Variants in UGGT2 observed in about 807,000 individuals in gnomAD.
The protein encoded by UGGT2 is UDP-glucose:glycoprotein glucosyltransferase 2.
A neutral mutation model predicts 192.1 loss-of-function variants in UGGT2; 180 were observed. The ratio of observed to expected loss-of-function variants is 0.94; its 90% confidence interval spans 0.83 to 1.06. UGGT2 has a LOEUF of 1.06. UGGT2 is among the 50% of genes least tolerant of loss of function. UGGT2 has a pLI of 0.00. For missense variants in UGGT2, 1,849 were observed against 1,795.7 expected, an observed-to-expected ratio of 1.03 and a Z score of -0.54; for synonymous variants, 580 against 591.0, an observed-to-expected ratio of 0.98 and a Z score of 0.27.
At chr13:95,999,621 T>A (rs1028601625) in intron 5 of UGGT2, among the ~76,000 whole-genome samples, 21 of 152,172 alleles carry the variant, frequency 1.4e-4, no homozygotes, top group Non-Finnish European at 1.5e-5. Context: ...AAACAGAGGA[T>A]CCAATAACAG....
chr13:95,976,087 C>T (rs2050928949), intron 10 of UGGT2, among the ~76,000 whole-genome samples: 1 of 152,032 alleles, frequency 6.6e-6, no homozygotes, highest in South Asian at 2.1e-4. Flanking sequence ...TTAACCAACC[C>T]CTCCTCATTT....
intron 36 of UGGT2, among the ~76,000 whole-genome samples, chr13:95,850,049 A>G (rs1363008955): frequency 6.6e-6 from 1 of 151,710 alleles, no homozygotes; most frequent in Admixed American, 6.6e-5. Flanking sequence ...TGCATTAGCC[A>G]AGACCTTACT....
chr13:95,999,338 GAA>G (rs1594542177), intron 5 of UGGT2, 31 bp from the exon 6 acceptor site: 2 of 1,590,810 alleles, frequency 1.3e-6, no homozygotes, highest in East Asian at 2.2e-5. Context: ...TATAAAAAGC[GAA>G]AAGAGTTAGT....
At chr13:95,822,788 T>G (rs1885642286) in intron 38 of UGGT2, among the ~76,000 whole-genome samples, 1 of 152,112 alleles carries the variant, frequency 6.6e-6, no homozygotes. Context: ...TTTGTTTGTT[T>G]CAATTTCATT....
At chr13:96,020,264 ACTG>A in intron 4 of UGGT2, among the ~76,000 whole-genome samples, 1 of 152,242 alleles carries the variant, frequency 6.6e-6, no homozygotes, top group South Asian at 2.1e-4. Context: ...GAGCTTAAGA[ACTG>A]CTATTTTAAA....
chr13:95,861,971 G>A (rs925816032), intron 31 of UGGT2, among the ~76,000 whole-genome samples: 2 of 152,164 alleles, frequency 1.3e-5, no homozygotes, highest in Non-Finnish European at 2.9e-5. Flanking sequence ...AATATAGCAA[G>A]TGGCTATACC....
intron 9 of UGGT2, 121 bp from the exon 10 acceptor site, chr13:95,983,985 A>C: frequency 1.8e-6 from 1 of 567,816 alleles, no homozygotes; most frequent in African/African-American, 2.0e-5. Flanking sequence ...TTTGTGACTG[A>C]AAAGTATACA....
chr13:95,990,564 G>A (rs1400135437), intron 7 of UGGT2: 1 of 152,130 alleles, frequency 6.6e-6, no homozygotes, highest in Non-Finnish European at 1.5e-5. Context: ...CTTTTAGAGA[G>A]CCAAATAATG....
chr13:95,981,028 T>C (rs1321252507), intron 10 of UGGT2, among the ~76,000 whole-genome samples: 1 of 152,166 alleles, frequency 6.6e-6, no homozygotes, highest in Non-Finnish European at 1.5e-5. Context: ...TTTATATTTG[T>C]GGGCAGGATG....
intron 5 of UGGT2, among the ~76,000 whole-genome samples, chr13:96,009,219 G>A (rs1300069000): frequency 1.3e-5 from 2 of 152,052 alleles, no homozygotes; most frequent in African/African-American, 4.8e-5. Context: ...TAAATGTGAA[G>A]CCTAAAATTA....
chr13:95,807,581 T>G (rs1884365775), intron 38 of UGGT2, among the ~76,000 whole-genome samples: 1 of 152,170 alleles, frequency 6.6e-6, no homozygotes, highest in Admixed American at 6.6e-5. Context: ...TTCTATGTCT[T>G]CTTCCTCATT....
At chr13:95,921,386 G>C (rs999857792) in intron 20 of UGGT2, among the ~76,000 whole-genome samples, 1 of 148,508 alleles carries the variant, frequency 6.7e-6, no homozygotes, top group South Asian at 2.2e-4. Context: ...TATTTTTGTT[G>C]TTGTTGTTGC....
intron 20 of UGGT2, among the ~76,000 whole-genome samples, chr13:95,907,993 A>G (rs187400864): frequency 3.5e-4 from 54 of 152,290 alleles, no homozygotes; most frequent in African/African-American, 1.2e-3. Flanking sequence ...GGAAGCTAAA[A>G]ACCTAGAAAA....
At chr13:95,902,695 A>G (rs756160231) in intron 21 of UGGT2, among the ~76,000 whole-genome samples, 159 bp downstream of exon 21, 2 of 152,122 alleles carry the variant, frequency 1.3e-5, no homozygotes, top group African/African-American at 2.4e-5. Flanking sequence ...GTGCAGAGTC[A>G]TATCATTTAA....
At chr13:96,002,579 CTT>C (rs756233364) in intron 5 of UGGT2, among the ~76,000 whole-genome samples, 4 of 152,154 alleles carry the variant, frequency 2.6e-5, no homozygotes, top group Non-Finnish European at 4.4e-5. Context: ...CACACCCACA[CTT>C]TCTCTTTACA....
At chr13:95,824,441 G>A (rs1885807374) in intron 38 of UGGT2, among the ~76,000 whole-genome samples, 1 of 152,006 alleles carries the variant, frequency 6.6e-6, no homozygotes, top group Non-Finnish European at 1.5e-5. Context: ...TCTTAGGTTT[G>A]GATGTTTTAC....
intron 12 of UGGT2, among the ~76,000 whole-genome samples, chr13:95,969,345 C>T (rs1024760889): frequency 6.6e-6 from 1 of 152,172 alleles, no homozygotes; most frequent in African/African-American, 2.4e-5. Flanking sequence ...AAGCCATAAC[C>T]ATGAATATAA....
chr13:95,808,494 T>G (rs1470138654), intron 38 of UGGT2, among the ~76,000 whole-genome samples: 3 of 151,622 alleles, frequency 2.0e-5, no homozygotes, highest in Non-Finnish European at 4.4e-5. Flanking sequence ...GTGATTTTCT[T>G]TTTTTTTTCT....
At chr13:95,996,487 C>A (rs1334536359) in intron 6 of UGGT2, among the ~76,000 whole-genome samples, 1 of 148,054 alleles carries the variant, frequency 6.8e-6, no homozygotes, top group Non-Finnish European at 1.5e-5. Context: ...CAGAGTAAGA[C>A]CGTGTCTAAA....
Sources: gnomAD v4.1 joint callset for allele counts (sites outside exome capture counted in the v4.1 genomes callset) on GRCh38, gnomAD v4.1.1 for gene constraint, MANE v1.5 for transcripts, NCBI Gene and HGNC (gene_info 2026-07-23, HGNC 2026-07-21) for gene names.